Variants in LITAF observed in about 807,000 individuals in gnomAD.
LITAF encodes the protein lipopolysaccharide-induced tumor necrosis factor-alpha factor.
LITAF carries 9 observed loss-of-function variants against 14.5 expected under a neutral mutation model. That is an observed-to-expected ratio of 0.62 (90% CI 0.37 to 1.08). LITAF has a LOEUF of 1.08. Ranked by LOEUF, LITAF falls within the 50% of genes least tolerant of loss-of-function variation. The pLI is 0.01. For synonymous variants in LITAF, 98 were observed against 88.2 expected (o/e 1.11, Z -0.62); for missense variants, 206 against 213.4 (o/e 0.97, Z 0.22).
chr16:11,624,124 A>AAAAT (rs1298660121), intron 3 of LITAF, among the ~76,000 whole-genome samples: 25 of 152,072 alleles, frequency 1.6e-4, no homozygotes, highest in African/African-American at 2.9e-4. Flanking sequence ...ATTTCTACCA[A>AAAAT]AAATAAATAA....
intron 3 of LITAF, among the ~76,000 whole-genome samples, chr16:11,550,992 G>C (rs2064173879): frequency 1.3e-5 from 2 of 152,048 alleles, no homozygotes; most frequent in Non-Finnish European, 2.9e-5. Context: ...ATATAGACAG[G>C]CTGCTTCTTA....
chr16:11,607,181 C>G (rs527515394), intron 3 of LITAF, among the ~76,000 whole-genome samples: 1 of 152,306 alleles, frequency 6.6e-6, no homozygotes, highest in African/African-American at 2.4e-5. Context: ...GTAAAACCCC[C>G]ACTCTCAGGG....
chr16:11,566,959 G>A (rs2064460476), intron 1 of LITAF, among the ~76,000 whole-genome samples: 1 of 152,220 alleles, frequency 6.6e-6, no homozygotes, highest in Non-Finnish European at 1.5e-5. Flanking sequence ...GTAACACGAG[G>A]ATTTATGGTG....
At chr16:11,622,192 C>T (rs934722620) in intron 3 of LITAF, among the ~76,000 whole-genome samples, 1 of 152,188 alleles carries the variant, frequency 6.6e-6, no homozygotes, top group Non-Finnish European at 1.5e-5. Flanking sequence ...CCACCATAAG[C>T]CAGGCGGCAT....
At chr16:11,638,810 C>T (rs2065153502), upstream of LITAF, among the ~76,000 whole-genome samples, 1 of 146,542 alleles carries the variant, frequency 6.8e-6, no homozygotes, top group African/African-American at 2.5e-5. Context: ...AGTAGATTTC[C>T]AATAGGAATC....
At chr16:11,556,086 G>T (rs899570027) in intron 2 of LITAF, among the ~76,000 whole-genome samples, 3 of 152,224 alleles carry the variant, frequency 2.0e-5, no homozygotes, top group African/African-American at 7.2e-5. Flanking sequence ...TGCATTGAGG[G>T]TGAGCTGGTA....
intron 3 of LITAF, among the ~76,000 whole-genome samples, chr16:11,630,785 G>A (rs1479868145): frequency 1.3e-5 from 2 of 151,768 alleles, no homozygotes; most frequent in Non-Finnish European, 2.9e-5. Context: ...AGGGGTCGGG[G>A]TGGTCTCACT....
At position 11,549,477 on chromosome 16, in the gene LITAF, T is replaced by G. The variant is rs1324314489; in HGVS notation, c.*160A>C. The stretch of plus-strand genomic sequence containing the variant: ...AGCAGCAATTTCTGGGGTTTGGAGA[T>G]TTGTTAGTTTTGCGACGTATTCCCC... On this transcript the variant is annotated 3_prime_UTR_variant, in exon 4 of 4. Transcript: ENST00000622633. This position sits in a 1 kb window ranked among gnomAD's most constrained non-coding sequence, Gnocchi z 4.6. 3 of 678,302 alleles carry G rather than the reference T, an allele frequency of 4.4e-6. No homozygotes were observed. In the South Asian group the frequency reaches 4.5e-5, roughly 10 times the overall value. 42.0% of individuals were successfully genotyped at this position (678,302 alleles called of 1,614,324 possible). A position where few individuals can be genotyped will look rare whatever the true frequency, so the allele number is the denominator to read the frequency against.
At chr16:11,582,943 T>C (rs568487751) in intron 1 of LITAF, among the ~76,000 whole-genome samples, 201 of 152,346 alleles carry the variant, frequency 1.3e-3, no homozygotes, top group African/African-American at 4.6e-3. Context: ...ACGGTTTTTG[T>C]TGTCATGGAA....
chr16:11,556,422 C>T (rs774341329), intron 2 of LITAF, 89 bp downstream of exon 2: 5 of 1,173,956 alleles, frequency 4.3e-6, no homozygotes, highest in Middle Eastern at 2.0e-4. Flanking sequence ...TTCACTTAGA[C>T]TCTTTGGCAG....
chr16:11,558,243 C>T lies in LITAF; in HGVS notation c.-5-1508G>A, dbSNP rs780976762. 1.5e-4 allele frequency among the ~76,000 whole-genome samples: 23 copies of T among 152,166 alleles called. No individual in the cohort carries two copies. The highest frequency in any genetic ancestry group is 2.6e-4 in the Non-Finnish European group (18 of 68,026). ...AAACCAAGCCCCAAAGAGGAGACTT[C>T]TCTGGAGGAACCGAAGAAAGGGTAT... is the stretch of plus-strand genomic sequence containing the variant. On this transcript the variant is annotated intron_variant, in intron 1 of 3. Coordinates refer to ENST00000622633, the MANE Select transcript of LITAF (RefSeq NM_001136472.2). The surrounding 1 kb of genome is among the most constrained non-coding windows in gnomAD (Gnocchi z 4.1).
rs187522232 is a variant in LITAF, at chr16:11,547,928, G to C, written c.*1709C>G. 2.2e-6 allele frequency: 1 copy of C among 454,030 alleles called. No individual in the cohort carries two copies. Among genetic ancestry groups the C allele is most frequent in the South Asian group, 1.6e-5 (1 of 64,476 alleles). The allele number at this position is 454,030 out of a possible 1,614,324, so 28.1% of individuals were successfully genotyped here. ...TTTCTACCGTTACTGAACAAATAAAGGTTCTTTGTAGCAATGGCTGGAAAT... is the reference window on the plus strand; with the variant it reads ...TTTCTACCGTTACTGAACAAATAAACGTTCTTTGTAGCAATGGCTGGAAAT... On this transcript the variant is annotated 3_prime_UTR_variant, in exon 4 of 4. Transcript: ENST00000622633.
intron 3 of LITAF, among the ~76,000 whole-genome samples, chr16:11,630,125 G>T (rs1026084935): frequency 6.6e-6 from 1 of 152,138 alleles, no homozygotes; most frequent in African/African-American, 2.4e-5. Flanking sequence ...GGAGGTCATG[G>T]GAGTCCAGAT....
chr16:11,603,046 C>A (rs1377490467), upstream of LITAF, among the ~76,000 whole-genome samples: 1 of 151,920 alleles, frequency 6.6e-6, no homozygotes, highest in Non-Finnish European at 1.5e-5. Context: ...CCCAGAAGTC[C>A]GAGGCTGCAG....
chr16:11,561,235 C>T (rs564973821), intron 1 of LITAF: 1 of 152,336 alleles, frequency 6.6e-6, no homozygotes, highest in South Asian at 2.1e-4. Flanking sequence ...AAAACAAGGC[C>T]TGGGGCATCC....
At chr16:11,608,106 A>G (rs1357315573) in intron 3 of LITAF, among the ~76,000 whole-genome samples, 1 of 152,220 alleles carries the variant, frequency 6.6e-6, no homozygotes, top group Non-Finnish European at 1.5e-5. Context: ...CTTCCAGGAC[A>G]CAGAGCTCTT....
intron 1 of LITAF, among the ~76,000 whole-genome samples, chr16:11,597,859 G>A (rs1346472103): frequency 6.6e-6 from 1 of 152,122 alleles, no homozygotes. Context: ...GGAGCTAAAG[G>A]CCCCACAGCC....
chr16:11,581,799 C>T (rs1001006071), intron 1 of LITAF, among the ~76,000 whole-genome samples: 2 of 152,102 alleles, frequency 1.3e-5, no homozygotes, highest in Non-Finnish European at 2.9e-5. Flanking sequence ...AAACTCTGCC[C>T]AGCTGAATGC....
At chr16:11,611,279 G>A (rs1401056416) in intron 3 of LITAF, among the ~76,000 whole-genome samples, 1 of 152,102 alleles carries the variant, frequency 6.6e-6, no homozygotes, top group East Asian at 1.9e-4. Flanking sequence ...GGAGTTCGAG[G>A]CTGCAATGAG....
Sources: gnomAD v4.1 joint callset for allele counts (sites outside exome capture counted in the v4.1 genomes callset) on GRCh38, gnomAD v4.1.1 for gene constraint, Gnocchi (gnomAD v3.1) non-coding constraint, MANE v1.5 for transcripts, NCBI Gene and HGNC (gene_info 2026-07-23, HGNC 2026-07-21) for gene names.